The following TENM4 variants were observed in gnomAD, a reference collection of about 807,000 sequenced individuals.
TENM4 encodes the protein teneurin transmembrane protein 4, also known as teneurin-4.
A neutral mutation model predicts 243.3 loss-of-function variants in TENM4; 82 were observed. The ratio of observed to expected loss-of-function variants is 0.34; its 90% CI spans 0.28 to 0.40. The LOEUF is 0.40. TENM4 is among the 10% of genes least tolerant of loss of function. The pLI is 1.00. For missense variants in TENM4, 3,138 were observed against 3,673.3 expected (o/e 0.85, Z 3.77); for synonymous variants, 1,412 against 1,456.3 (o/e 0.97, Z 0.69).
In TENM4 at chr11:78,676,277, C is replaced by A; in HGVS notation, c.5371G>T (p.Val1791Phe). 6.2e-7 allele frequency: 1 copy of A among 1,612,672 alleles called. No individual in the cohort carries two copies. The highest frequency in any genetic ancestry group is 8.5e-7 in the Non-Finnish European group (1 of 1,178,944). The change falls in exon 30 of 34, where the codon GTC (valine) becomes TTC (phenylalanine). Residue 1791 changes from valine to phenylalanine, a missense_variant. This residue lies in a region of TENM4 where 2,467 missense variants were observed against 3,059.1 expected (regional missense o/e 0.81). Coordinates refer to ENST00000278550, the MANE Select transcript of TENM4 (RefSeq NM_001098816.3). ...QTEPHLLAGT[V>F]NPTVGKRNVT... is the part of the protein sequence containing the mutation. Reference sequence around the variant, plus strand: ...TTCCTCTTGCCCACGGTGGGGTTGACGGTGCCAGCCAGCAAGTGGGGCTCA... The same window carrying A: ...TTCCTCTTGCCCACGGTGGGGTTGAAGGTGCCAGCCAGCAAGTGGGGCTCA...
intron 19 of TENM4, among the ~76,000 whole-genome samples, chr11:78,749,953 C>A (rs1198929244): frequency 6.6e-6 from 1 of 152,184 alleles, no homozygotes; most frequent in Non-Finnish European, 1.5e-5. Context: ...TCACCATGCT[C>A]ATATACCACA....
chr11:78,942,224 T>C (rs1291104502), intron 6 of TENM4, among the ~76,000 whole-genome samples: 1 of 116,958 alleles, frequency 8.6e-6, no homozygotes. Context: ...ACCAGCCTGG[T>C]GCAACATGGT....
At chr11:79,368,095 C>T (rs180928215) in intron 1 of TENM4, among the ~76,000 whole-genome samples, 38 of 152,190 alleles carry the variant, frequency 2.5e-4, no homozygotes, top group Admixed American at 5.2e-4. Context: ...AAGGCACCAA[C>T]GCCAGAGTCC....
At chr11:79,127,062 C>T (rs1235712440) in intron 4 of TENM4, among the ~76,000 whole-genome samples, 1 of 152,152 alleles carries the variant, frequency 6.6e-6, no homozygotes, top group East Asian at 1.9e-4. Flanking sequence ...TGGGTTCCCC[C>T]ACTCATCCTG....
At chr11:78,881,314 A>G (rs891461594) in intron 9 of TENM4, among the ~76,000 whole-genome samples, 4 of 152,156 alleles carry the variant, frequency 2.6e-5, no homozygotes. Flanking sequence ...GCTGGTCCAC[A>G]TGGCCTGGAT....
chr11:79,080,511 G>A (rs894674237), intron 4 of TENM4, among the ~76,000 whole-genome samples: 2 of 152,206 alleles, frequency 1.3e-5, no homozygotes, highest in Non-Finnish European at 2.9e-5. Flanking sequence ...AGATGATCCC[G>A]TTTGCTGGCC....
chr11:78,950,176 C>A (rs1857083905), intron 6 of TENM4, among the ~76,000 whole-genome samples: 1 of 152,188 alleles, frequency 6.6e-6, no homozygotes, highest in Non-Finnish European at 1.5e-5. Context: ...CAAAGGCCAT[C>A]ACCAGCTCAG....
chr11:78,879,097 G>A (rs964553521), intron 9 of TENM4, among the ~76,000 whole-genome samples: 1 of 151,554 alleles, frequency 6.6e-6, no homozygotes, highest in Admixed American at 6.6e-5. Context: ...AATGGGAAGT[G>A]AGGTGTGCCT....
At chr11:78,756,041 C>T (rs1420485795) in intron 19 of TENM4, among the ~76,000 whole-genome samples, 1 of 152,084 alleles carries the variant, frequency 6.6e-6, no homozygotes, top group Non-Finnish European at 1.5e-5. Context: ...TATTTTGTGT[C>T]TCTGGGTCTT....
chr11:79,007,140 T>C (rs1858505819), intron 6 of TENM4, among the ~76,000 whole-genome samples: 2 of 152,224 alleles, frequency 1.3e-5, no homozygotes, highest in South Asian at 2.1e-4. Context: ...GCCAATTCTT[T>C]AAAATAAGCC....
At chr11:79,144,633 A>G (rs1195859379) in intron 4 of TENM4, among the ~76,000 whole-genome samples, 4 of 152,094 alleles carry the variant, frequency 2.6e-5, no homozygotes, top group Non-Finnish European at 5.9e-5. Flanking sequence ...TTGCAACAAC[A>G]TGGATGGAAC....
intron 24 of TENM4, 62 bp from the exon 25 acceptor site, chr11:78,720,452 A>C: frequency 6.3e-7 from 1 of 1,585,698 alleles, no homozygotes; most frequent in Non-Finnish European, 8.7e-7. Flanking sequence ...GCAGGGTTAG[A>C]AGCATTATTA....
At chr11:79,267,847 C>T (rs1003039038) in intron 2 of TENM4, among the ~76,000 whole-genome samples, 15 of 152,276 alleles carry the variant, frequency 9.9e-5, no homozygotes, top group Middle Eastern at 6.8e-3. Flanking sequence ...CCCAGATGTA[C>T]CACTTCATTA....
At chr11:79,236,742 A>G (rs1165886021) in intron 2 of TENM4, among the ~76,000 whole-genome samples, 1 of 152,062 alleles carries the variant, frequency 6.6e-6, no homozygotes, top group Admixed American at 6.5e-5. Context: ...GAAACAATAT[A>G]CTGACTCCCT....
At chr11:78,931,196 G>C (rs1856661655) in intron 6 of TENM4, among the ~76,000 whole-genome samples, 1 of 152,176 alleles carries the variant, frequency 6.6e-6, no homozygotes, top group South Asian at 2.1e-4. Context: ...CTGTGGAGAA[G>C]CGCCCTGTCC....
At chr11:78,749,289 AT>A (rs1352182314) in intron 19 of TENM4, 1 of 151,744 alleles carries the variant, frequency 6.6e-6, no homozygotes, top group East Asian at 1.9e-4. Flanking sequence ...AATGGCTGAC[AT>A]TTTGGAGGAA....
At chr11:79,246,373 T>C (rs1366639946) in intron 2 of TENM4, among the ~76,000 whole-genome samples, 3 of 152,196 alleles carry the variant, frequency 2.0e-5, no homozygotes, top group Admixed American at 6.5e-5. Flanking sequence ...TGGAAAATAA[T>C]TTGGCATTAT....
chr11:78,674,091 C>A (rs992326830), intron 30 of TENM4, among the ~76,000 whole-genome samples: 2 of 152,156 alleles, frequency 1.3e-5, no homozygotes, highest in African/African-American at 2.4e-5. Flanking sequence ...GTGGTGCCAC[C>A]CAGCCAGCTG....
intron 4 of TENM4, among the ~76,000 whole-genome samples, chr11:79,138,986 C>A (rs182375103): frequency 0.011 from 367 of 33,674 alleles, 17 homozygotes; most frequent in Middle Eastern, 0.11. Flanking sequence ...TATTATATTT[C>A]TATAAATATA....
Sources: gnomAD v4.1 joint callset for allele counts (sites outside exome capture counted in the v4.1 genomes callset) on GRCh38, gnomAD v4.1.1 for gene constraint, gnomAD v4.1.1 regional missense constraint, MANE v1.5 for transcripts, NCBI Gene and HGNC (gene_info 2026-07-23, HGNC 2026-07-21) for gene names.